The following DHX36 variants were observed in gnomAD, a reference collection of about 807,000 sequenced individuals.
DHX36 encodes the protein DEAH-box helicase 36, also known as ATP-dependent DNA/RNA helicase DHX36.
In DHX36, 50 loss-of-function variants were observed where a neutral mutation model predicts 139.0. The observed-to-expected ratio is 0.36, with a 90% CI of 0.29 to 0.46. The LOEUF (loss-of-function observed/expected upper bound fraction) is 0.46, where lower values mean the gene tolerates loss of function less well. DHX36 is among the 20% of genes least tolerant of loss of function. DHX36 has a pLI of 1.00. For missense variants in DHX36, 1,024 were observed against 1,211.3 expected (o/e 0.85, Z 2.29); for synonymous variants, 425 against 401.9 (o/e 1.06, Z -0.69).
intron 20 of DHX36, among the ~76,000 whole-genome samples, chr3:154,281,288 A>G (rs1719327508): frequency 6.6e-6 from 1 of 152,162 alleles, no homozygotes; most frequent in Non-Finnish European, 1.5e-5. Flanking sequence ...AGAAAAGCAT[A>G]AAGAAAATAA....
chr3:154,312,986 A>G (rs1712833284), intron 3 of DHX36, among the ~76,000 whole-genome samples: 2 of 148,692 alleles, frequency 1.3e-5, no homozygotes, highest in Non-Finnish European at 3.0e-5. Flanking sequence ...CCAATACCAT[A>G]AAAATAACAG....
intron 12 of DHX36, among the ~76,000 whole-genome samples, chr3:154,297,100 A>T (rs184203192): frequency 5.9e-5 from 9 of 152,324 alleles, no homozygotes; most frequent in South Asian, 2.1e-4. Flanking sequence ...ATGACTTTAC[A>T]TTACCATGAG....
intron 9 of DHX36, among the ~76,000 whole-genome samples, chr3:154,301,468 G>GT (rs1471194314): frequency 6.6e-6 from 1 of 152,130 alleles, no homozygotes; most frequent in South Asian, 2.1e-4. Context: ...CTGACTGCAC[G>GT]TAAGAATTGA....
At chr3:154,321,420 T>C (rs1713180761) in intron 1 of DHX36, among the ~76,000 whole-genome samples, 1 of 152,180 alleles carries the variant, frequency 6.6e-6, no homozygotes, top group Non-Finnish European at 1.5e-5. Flanking sequence ...ATCTTTCAAG[T>C]TTCAACTTAA....
At chr3:154,312,424 C>T (rs1712794975) in intron 3 of DHX36, among the ~76,000 whole-genome samples, 1 of 151,834 alleles carries the variant, frequency 6.6e-6, no homozygotes, top group Admixed American at 6.6e-5. Flanking sequence ...ACTCTATACC[C>T]GTATTACATA....
At chr3:154,302,248 T>C (rs73872805) in intron 9 of DHX36, among the ~76,000 whole-genome samples, 1,649 of 152,288 alleles carry the variant, frequency 0.011, 30 homozygotes, top group African/African-American at 0.038. Context: ...CCAGAGTTTG[T>C]GTGTGTTTGA....
intron 16 of DHX36, 103 bp from the exon 17 acceptor site, chr3:154,289,067 C>T (rs1000333829): frequency 1.3e-5 from 6 of 456,012 alleles, no homozygotes; most frequent in Middle Eastern, 5.9e-4. Context: ...CAAATTTATA[C>T]ATGACTTTCA....
chr3:154,284,583 C>G lies in DHX36; in HGVS notation c.2292G>C (p.Glu764Asp). ...SDHLTVVNAF[E>D]GWEEARRRGF... ...CCAGGACAAAATTTTTTTTTTTTAC[C>G]TCAAACGCATTCACAACTGTTAAGT... Residue 764 changes from glutamate to aspartate, a missense_variant and splice_region_variant, in exon 19 of 25, where the codon GAG becomes GAC. Glu to Asp is a conservative substitution (Grantham distance 45, BLOSUM62 2). Transcript: ENST00000496811. The G allele has an allele frequency of 6.3e-7, 1 of 1,590,492 alleles. No individual in the cohort carries two copies. Among genetic ancestry groups the G allele is most frequent in the Non-Finnish European group, 8.5e-7 (1 of 1,171,856 alleles).
Position 154,300,984 on chromosome 3 carries a change from T to C in DHX36, c.1358+3A>G. On this transcript the variant is annotated splice_donor_region_variant and intron_variant, in intron 10 of 24. Transcript: ENST00000496811. ...TTCTCACCTTCAGACAAAATAAACT[T>C]ACCTTCTTCGCAGTTCCCTTACATA... 3 of 1,609,762 alleles carry C rather than the reference T, an allele frequency of 1.9e-6. No homozygotes were observed. The highest frequency in any genetic ancestry group is 2.5e-6 in the Non-Finnish European group (3 of 1,179,164).
At chr3:154,317,125 A>C (rs1038166932) in intron 1 of DHX36, among the ~76,000 whole-genome samples, 9 of 152,098 alleles carry the variant, frequency 5.9e-5, no homozygotes, top group Admixed American at 5.9e-4. Flanking sequence ...GGAAGAAAGA[A>C]TCAAAGAACT....
rs1009746896 is a variant in DHX36 at position 154,274,513 on chromosome 3, A to T, written c.*1658T>A. On this transcript the variant is annotated 3_prime_UTR_variant, in exon 25 of 25. Transcript: ENST00000496811. ...TCTATCTTTCCACTGAGCTAACCTC[A>T]GTCTGAGTCCGTGTCTCCTTGTGAT... 2.6e-5 allele frequency: 4 copies of T among 152,328 alleles called. No individual in the cohort carries two copies. The highest frequency in any genetic ancestry group is 9.6e-5 in the African/African-American group (4 of 41,456). The allele number at this position is 152,328 out of a possible 1,614,324, so 9.4% of individuals were successfully genotyped here.
At chr3:154,304,746 A>G in intron 8 of DHX36, 60 bp downstream of exon 8, 1 of 1,299,688 alleles carries the variant, frequency 7.7e-7, no homozygotes, top group East Asian at 2.5e-5. Flanking sequence ...GTACCATATT[A>G]ATTTTTTTAA....
chr3:154,279,680 C>T (rs1719271087), intron 22 of DHX36: 1 of 152,194 alleles, frequency 6.6e-6, no homozygotes, highest in South Asian at 2.1e-4. Context: ...GGGGCAAAAT[C>T]ATGCCAGTTG....
chr3:154,318,092 GT>G (rs943798290), intron 1 of DHX36, among the ~76,000 whole-genome samples: 2 of 152,092 alleles, frequency 1.3e-5, no homozygotes, highest in African/African-American at 4.8e-5. Context: ...ACAGGGTTTT[GT>G]AAGACATTCT....
At chr3:154,323,626 G>A (rs1038151382) in intron 1 of DHX36, among the ~76,000 whole-genome samples, 2 of 151,990 alleles carry the variant, frequency 1.3e-5, no homozygotes, top group African/African-American at 4.8e-5. Flanking sequence ...CTCATCAATA[G>A]AAATTTCTCC....
chr3:154,284,234 C>A (rs1198752257), intron 19 of DHX36, among the ~76,000 whole-genome samples: 1 of 152,264 alleles, frequency 6.6e-6, no homozygotes, highest in East Asian at 1.9e-4. Flanking sequence ...GGCTGAAGTG[C>A]AGTGGCATGA....
chr3:154,276,097 G>T lies in DHX36; in HGVS notation c.*74C>A. On this transcript the variant is annotated 3_prime_UTR_variant, in exon 25 of 25. Transcript: ENST00000496811. ...AAAATTGTTCATGTCCCAGGGTTTGGCATCCAGCCAAAATTTAAACAATGA... is the reference window on the plus strand; with the variant it reads ...AAAATTGTTCATGTCCCAGGGTTTGTCATCCAGCCAAAATTTAAACAATGA... 6.7e-7 allele frequency: 1 copy of T among 1,486,000 alleles called. No individual in the cohort carries two copies. Among genetic ancestry groups the T allele is most frequent in the Non-Finnish European group, 9.1e-7 (1 of 1,097,054 alleles). The allele number at this position is 1,486,000 out of a possible 1,614,324, so 92.1% of individuals were successfully genotyped here.
chr3:154,304,596 A>T (rs1480125514), intron 8 of DHX36, among the ~76,000 whole-genome samples: 1 of 152,230 alleles, frequency 6.6e-6, no homozygotes, highest in Non-Finnish European at 1.5e-5. Flanking sequence ...GGTAGCAACA[A>T]GAAGCTACCT....
Position 154,304,546 on chromosome 3 carries a change from C to T in DHX36, c.1135+260G>A, listed in dbSNP as rs528358797. 2.6e-5 allele frequency among the ~76,000 whole-genome samples: 4 copies of T among 152,224 alleles called. No individual in the cohort carries two copies. The South Asian group carries it at 8.3e-4, about 32-fold the overall frequency. On this transcript the variant is annotated intron_variant, in intron 8 of 24. Transcript: ENST00000496811. ...AAGAAGTTTATAAAATTATGCAAAT[C>T]TGTGGTTTGACTTCAATGATGCCAT...
Sources: allele counts gnomAD v4.1 joint callset (sites outside exome capture counted in the v4.1 genomes callset), GRCh38; gene constraint gnomAD v4.1.1; transcripts MANE v1.5; gene names NCBI Gene and HGNC (gene_info 2026-07-23, HGNC 2026-07-21).